Variants in SYT9 observed in about 807,000 individuals in gnomAD.
The protein encoded by SYT9 is synaptotagmin 9, also known as synaptotagmin-9.
SYT9 carries 22 observed loss-of-function variants against 48.4 expected under a neutral mutation model. The observed-to-expected ratio is 0.45, with a 90% CI of 0.32 to 0.65. SYT9 has a LOEUF of 0.65. Ranked by LOEUF, SYT9 falls within the 30% of genes least tolerant of loss-of-function variation. SYT9 has a pLI of 0.03. For missense variants in SYT9, 577 were observed against 622.0 expected, an observed-to-expected ratio of 0.93 and a Z score of 0.77; for synonymous variants, 265 against 245.0, an observed-to-expected ratio of 1.08 and a Z score of -0.76.
chr11:7,329,024 A>G (rs1849484459), intron 3 of SYT9, among the ~76,000 whole-genome samples: 1 of 152,132 alleles, frequency 6.6e-6, no homozygotes, highest in African/African-American at 2.4e-5. Flanking sequence ...ATGGTGTTGA[A>G]TTTTTAAAAA....
intron 3 of SYT9, among the ~76,000 whole-genome samples, chr11:7,322,796 G>A (rs1331695816): frequency 6.6e-6 from 1 of 152,040 alleles, no homozygotes; most frequent in African/African-American, 2.4e-5. Flanking sequence ...CTTCCTATGT[G>A]CCGCTCCTCC....
chr11:7,426,834 C>A (rs1847466976), intron 6 of SYT9, among the ~76,000 whole-genome samples: 1 of 152,140 alleles, frequency 6.6e-6, no homozygotes, highest in South Asian at 2.1e-4. Flanking sequence ...TTCCTCTCAG[C>A]ATGTAAGGAA....
intron 1 of SYT9, among the ~76,000 whole-genome samples, chr11:7,290,729 C>G (rs1848684075): frequency 6.6e-6 from 1 of 152,032 alleles, no homozygotes; most frequent in African/African-American, 2.4e-5. Flanking sequence ...GTAGGAGACA[C>G]TTTAGAGATA....
intron 3 of SYT9, among the ~76,000 whole-genome samples, chr11:7,372,000 T>C (rs1247633051): frequency 3.3e-5 from 5 of 152,206 alleles, no homozygotes; most frequent in South Asian, 4.1e-4. Flanking sequence ...TGTGGACTTA[T>C]GTTTCTATTT....
At chr11:7,342,955 C>T (rs1258376092) in intron 3 of SYT9, among the ~76,000 whole-genome samples, 1 of 152,240 alleles carries the variant, frequency 6.6e-6, no homozygotes, top group African/African-American at 2.4e-5. Flanking sequence ...TTGGGGATTG[C>T]ACTCTTTAAA....
At chr11:7,253,837 G>C (rs949695521) in intron 1 of SYT9, among the ~76,000 whole-genome samples, 1 of 152,152 alleles carries the variant, frequency 6.6e-6, no homozygotes, top group Non-Finnish European at 1.5e-5. Context: ...GGGGAAGTTC[G>C]TCCTTAAGCA....
At chr11:7,396,857 T>A (rs975584523) in intron 3 of SYT9, among the ~76,000 whole-genome samples, 10 of 152,318 alleles carry the variant, frequency 6.6e-5, no homozygotes, top group Admixed American at 5.9e-4. Context: ...CATATTTTTG[T>A]CAGATTGTCT....
At chr11:7,242,435 T>C (rs1179435876) in intron 1 of SYT9, among the ~76,000 whole-genome samples, 2 of 152,182 alleles carry the variant, frequency 1.3e-5, no homozygotes, top group Non-Finnish European at 2.9e-5. Flanking sequence ...TTACATTTCT[T>C]CAGTAGAAAA....
At chr11:7,417,018 A>G (rs571177335) in intron 4 of SYT9, among the ~76,000 whole-genome samples, 2 of 152,198 alleles carry the variant, frequency 1.3e-5, no homozygotes, top group South Asian at 4.1e-4. Context: ...ATGCCTCTAT[A>G]TGCATTGCTA....
At chr11:7,311,728 G>C (rs1043001117) in intron 2 of SYT9, among the ~76,000 whole-genome samples, 4 of 152,310 alleles carry the variant, frequency 2.6e-5, no homozygotes, top group African/African-American at 9.6e-5. Context: ...GAGGGAAATA[G>C]GGCTGGCACC....
At chr11:7,443,660 G>C (rs551978462) in intron 6 of SYT9, among the ~76,000 whole-genome samples, 1 of 152,350 alleles carries the variant, frequency 6.6e-6, no homozygotes, top group South Asian at 2.1e-4. Flanking sequence ...CTCATCTCCA[G>C]ATGCAGATCC....
At chr11:7,385,106 A>G (rs759629556) in intron 3 of SYT9, among the ~76,000 whole-genome samples, 2 of 152,060 alleles carry the variant, frequency 1.3e-5, no homozygotes, top group Non-Finnish European at 2.9e-5. Flanking sequence ...TATTATATGT[A>G]TACTTCTGTA....
At chr11:7,296,013 C>T (rs1048598312) in intron 1 of SYT9, among the ~76,000 whole-genome samples, 6 of 152,134 alleles carry the variant, frequency 3.9e-5, no homozygotes, top group Non-Finnish European at 8.8e-5. Flanking sequence ...TTTAAAGCTG[C>T]AGGAAGCCTC....
chr11:7,399,501 TACAC>T (rs1846836920), intron 3 of SYT9, among the ~76,000 whole-genome samples: 1 of 152,222 alleles, frequency 6.6e-6, no homozygotes, highest in East Asian at 1.9e-4. Context: ...CTTAAGAAAA[TACAC>T]AGCACTGAAT....
At chr11:7,330,186 A>G (rs946301769) in intron 3 of SYT9, among the ~76,000 whole-genome samples, 1 of 152,236 alleles carries the variant, frequency 6.6e-6, no homozygotes, top group Non-Finnish European at 1.5e-5. Context: ...TATTACATAC[A>G]TACAATGGAA....
intron 6 of SYT9, among the ~76,000 whole-genome samples, chr11:7,428,825 A>G (rs561412189): frequency 6.6e-6 from 1 of 152,324 alleles, no homozygotes; most frequent in African/African-American, 2.4e-5. Flanking sequence ...GTGTCATGAT[A>G]TAATAGCTGA....
intron 1 of SYT9, among the ~76,000 whole-genome samples, chr11:7,292,944 G>A (rs773566776): frequency 3.3e-4 from 50 of 152,290 alleles, no homozygotes; most frequent in Middle Eastern, 3.4e-3. Context: ...TAGGCAGCAA[G>A]TGGGGACTCA....
chr11:7,302,918 T>C (rs1053330425), intron 1 of SYT9, 121 bp from the exon 2 acceptor site: 5 of 855,798 alleles, frequency 5.8e-6, no homozygotes, highest in Non-Finnish European at 9.4e-6. Context: ...CGCCCCAGCA[T>C]GGCCTTCCGC....
At chr11:7,302,320 C>A (rs1848937114) in intron 1 of SYT9, among the ~76,000 whole-genome samples, 1 of 152,180 alleles carries the variant, frequency 6.6e-6, no homozygotes, top group African/African-American at 2.4e-5. Flanking sequence ...TGATAATGTA[C>A]CTTTTATTGG....
Sources: allele counts gnomAD v4.1 joint callset (sites outside exome capture counted in the v4.1 genomes callset), GRCh38; gene constraint gnomAD v4.1.1; transcripts MANE v1.5; gene names NCBI Gene and HGNC (gene_info 2026-07-23, HGNC 2026-07-21).